ATE1: variants seen among roughly 807,000 people sequenced by gnomAD.
ATE1 encodes arginyltransferase 1, also known as arginyl-tRNA--protein transferase 1.
A neutral mutation model predicts 70.5 loss-of-function variants in ATE1; 36 were observed. That is an observed-to-expected ratio of 0.51 (90% confidence interval 0.39 to 0.67). The LOEUF is 0.67. ATE1 is among the 30% of genes least tolerant of loss of function. ATE1 has a pLI of 0.00. For missense variants in ATE1, 593 were observed against 629.5 expected (o/e 0.94, Z 0.62); for synonymous variants, 232 against 219.3 (o/e 1.06, Z -0.51).
intron 6 of ATE1, among the ~76,000 whole-genome samples, chr10:121,901,464 T>C (rs1043874643): frequency 4.6e-5 from 7 of 152,158 alleles, no homozygotes; most frequent in African/African-American, 1.4e-4. Context: ...CTAATGTTTT[T>C]GAATTTTTTT....
chr10:121,820,726 A>C (rs1212308433), intron 10 of ATE1, among the ~76,000 whole-genome samples: 1 of 152,224 alleles, frequency 6.6e-6, no homozygotes, highest in Admixed American at 6.5e-5. Flanking sequence ...AGTCTGACAA[A>C]GGGAAAGCTG....
chr10:121,760,660 T>A (rs1489945910), intron 11 of ATE1, among the ~76,000 whole-genome samples: 1 of 152,208 alleles, frequency 6.6e-6, no homozygotes, highest in African/African-American at 2.4e-5. Flanking sequence ...GTGAAGATGC[T>A]GCAAATATGG....
chr10:121,862,532 A>ATTTTTTTTTTTTTTT (rs35130703), intron 8 of ATE1, among the ~76,000 whole-genome samples: 3 of 105,380 alleles, frequency 2.8e-5, no homozygotes, highest in African/African-American at 7.6e-5. Flanking sequence ...AATTTTTTTA[A>ATTTTTTTTTTTTTTT]TTTTTTTTTT....
At chr10:121,825,202 ATAAAG>A (rs1947958833) in intron 10 of ATE1, among the ~76,000 whole-genome samples, 1 of 152,104 alleles carries the variant, frequency 6.6e-6, no homozygotes, top group Non-Finnish European at 1.5e-5. Context: ...ATTATGGGAA[ATAAAG>A]TAAGGTTAAT....
chr10:121,783,563 A>G (rs1946085381), intron 11 of ATE1, among the ~76,000 whole-genome samples: 1 of 152,186 alleles, frequency 6.6e-6, no homozygotes, highest in Non-Finnish European at 1.5e-5. Context: ...GTAAAATAAA[A>G]AACTGAAAAT....
At chr10:121,885,811 A>G (rs1184328914) in intron 7 of ATE1, among the ~76,000 whole-genome samples, 1 of 152,054 alleles carries the variant, frequency 6.6e-6, no homozygotes, top group African/African-American at 2.4e-5. Flanking sequence ...GAAGCACGAG[A>G]ATCGCTTGAA....
At chr10:121,883,424 T>C (rs1408602064) in intron 7 of ATE1, among the ~76,000 whole-genome samples, 1 of 152,110 alleles carries the variant, frequency 6.6e-6, no homozygotes, top group Non-Finnish European at 1.5e-5. Flanking sequence ...CAAATGCTAA[T>C]ACTAGACAAA....
chr10:121,913,765 C>T (rs570324689), intron 4 of ATE1, 25 bp downstream of exon 4: 4 of 1,511,120 alleles, frequency 2.6e-6, no homozygotes, highest in South Asian at 1.2e-5. Context: ...GATAGTAAAT[C>T]GTTTTTAGAC....
chr10:121,763,013 C>T (rs1030200626), intron 11 of ATE1, among the ~76,000 whole-genome samples: 5 of 152,132 alleles, frequency 3.3e-5, no homozygotes, highest in Non-Finnish European at 5.9e-5. Flanking sequence ...CTGCATATGA[C>T]GTGAGGGCAG....
At chr10:121,887,925 C>T (rs550510754) in intron 7 of ATE1, among the ~76,000 whole-genome samples, 2 of 152,224 alleles carry the variant, frequency 1.3e-5, no homozygotes, top group East Asian at 3.9e-4. Flanking sequence ...CATTTTGCTA[C>T]CTCTCCCACC....
In ATE1 at chr10:121,741,078, C is replaced by G. The variant is rs909033309; in HGVS notation, c.*2602G>C. ...AGAAAGGGACACAACACTAAGATTG[C>G]AAATGCAAAGCTTCCTGCCTTGGAA... On this transcript the variant is annotated 3_prime_UTR_variant, in exon 12 of 12. Coordinates refer to ENST00000224652, the MANE Select transcript of ATE1 (RefSeq NM_001001976.3). The G allele has an allele frequency of 2.0e-5, 3 of 152,130 alleles. No homozygotes were observed. The highest frequency in any genetic ancestry group is 2.9e-5 in the Non-Finnish European group (2 of 68,012). The allele number at this position is 152,130 out of a possible 1,614,324, so 9.4% of individuals were successfully genotyped here. A position where few individuals can be genotyped will look rare whatever the true frequency, so the allele number is the denominator to read the frequency against.
intron 5 of ATE1, among the ~76,000 whole-genome samples, chr10:121,906,333 G>A (rs1028313561): frequency 6.6e-6 from 1 of 152,064 alleles, no homozygotes; most frequent in Non-Finnish European, 1.5e-5. Flanking sequence ...TTCAAGACCA[G>A]CCTGTACAAC....
At chr10:121,774,946 G>A (rs183696662) in intron 11 of ATE1, among the ~76,000 whole-genome samples, 1 of 152,312 alleles carries the variant, frequency 6.6e-6, no homozygotes, top group Non-Finnish European at 1.5e-5. Context: ...CGGTATTTCA[G>A]TCTAGAGTAT....
At chr10:121,902,344 CAAA>C (rs111546849) in intron 6 of ATE1, 44 bp downstream of exon 6, 22 of 1,505,334 alleles carry the variant, frequency 1.5e-5, no homozygotes, top group Non-Finnish European at 1.9e-5. Context: ...TATGCCCAAA[CAAA>C]AAAAAATCAT....
intron 3 of ATE1, among the ~76,000 whole-genome samples, chr10:121,921,129 T>C (rs1951866202): frequency 6.6e-6 from 1 of 152,084 alleles, no homozygotes; most frequent in Non-Finnish European, 1.5e-5. Context: ...GTGACCTGGA[T>C]ATATTGCATG....
intron 11 of ATE1, among the ~76,000 whole-genome samples, chr10:121,781,628 T>C (rs984466396): frequency 4.6e-5 from 7 of 152,188 alleles, no homozygotes; most frequent in South Asian, 2.1e-4. Flanking sequence ...ATAACCTGAA[T>C]GGAAGGCCGT....
At chr10:121,928,132 C>G, upstream of ATE1, 1 of 1,245,236 alleles carries the variant, frequency 8.0e-7, no homozygotes, top group South Asian at 3.4e-5. Context: ...CCATCTTGAC[C>G]GAGGGCAGCT....
intron 7 of ATE1, among the ~76,000 whole-genome samples, chr10:121,873,120 G>A (rs1364923916): frequency 6.6e-6 from 1 of 152,080 alleles, no homozygotes; most frequent in Non-Finnish European, 1.5e-5. Context: ...TAACCTGCAT[G>A]ATATTTGGCT....
At chr10:121,856,339 G>T (rs757008481) in intron 8 of ATE1, among the ~76,000 whole-genome samples, 2 of 151,708 alleles carry the variant, frequency 1.3e-5, no homozygotes, top group Non-Finnish European at 2.9e-5. Flanking sequence ...AGACCAGCCT[G>T]GCCAAAAAGA....
Sources: gnomAD v4.1 joint callset for allele counts (sites outside exome capture counted in the v4.1 genomes callset) on GRCh38, gnomAD v4.1.1 for gene constraint, MANE v1.5 for transcripts, NCBI Gene and HGNC (gene_info 2026-07-23, HGNC 2026-07-21) for gene names.